The following WDR37 variants were observed in gnomAD, a reference collection of about 807,000 sequenced individuals.
WDR37 encodes WD repeat domain 37.
In WDR37, 19 loss-of-function variants were observed where a neutral mutation model predicts 62.9. The ratio of observed to expected loss-of-function variants is 0.30; its 90% CI spans 0.21 to 0.44. The LOEUF (loss-of-function observed/expected upper bound fraction) is 0.44. WDR37 is among the 20% of genes least tolerant of loss of function. WDR37 has a pLI of 1.00. For synonymous variants in WDR37, 250 were observed against 260.9 expected, an observed-to-expected ratio of 0.96 and a Z score of 0.40; for missense variants, 474 against 657.6, an observed-to-expected ratio of 0.72 and a Z score of 3.05.
chr10:1,088,474 G>C (rs773393106), intron 7 of WDR37, among the ~76,000 whole-genome samples: 1 of 152,050 alleles, frequency 6.6e-6, no homozygotes, highest in African/African-American at 2.4e-5. Flanking sequence ...GTTTTGTCTC[G>C]GAGTAGAGAG....
At chr10:1,123,529 C>T (rs1023959717) in intron 11 of WDR37, among the ~76,000 whole-genome samples, 8 of 152,142 alleles carry the variant, frequency 5.3e-5, no homozygotes, top group South Asian at 2.1e-4. Context: ...TGTCATAGCA[C>T]GTGTTAGAGT....
chr10:1,069,084 G>A (rs1178261360), intron 1 of WDR37, among the ~76,000 whole-genome samples: 2 of 152,082 alleles, frequency 1.3e-5, no homozygotes, highest in African/African-American at 2.4e-5. Flanking sequence ...TAGGTGTGGG[G>A]CTTCGTTTTG....
At chr10:1,077,004 A>C (rs1312968233) in intron 2 of WDR37, among the ~76,000 whole-genome samples, 3 of 151,892 alleles carry the variant, frequency 2.0e-5, no homozygotes, top group Non-Finnish European at 2.9e-5. Flanking sequence ...TGTCTCGAAA[A>C]AAAAAAAAAA....
chr10:1,069,588 C>G (rs886908483), intron 1 of WDR37, among the ~76,000 whole-genome samples: 2 of 151,628 alleles, frequency 1.3e-5, no homozygotes, highest in Admixed American at 1.3e-4. Flanking sequence ...ATAACAGTCT[C>G]AAAATGACAA....
chr10:1,086,158 A>G (rs555932210), intron 6 of WDR37, 128 bp from the exon 7 acceptor site: 2 of 711,480 alleles, frequency 2.8e-6, no homozygotes, highest in East Asian at 5.5e-5. Flanking sequence ...GAGTAATAGA[A>G]TCAAAGGTGG....
intron 7 of WDR37, among the ~76,000 whole-genome samples, chr10:1,089,686 C>G (rs1834320863): frequency 1.3e-5 from 2 of 150,608 alleles, no homozygotes; most frequent in African/African-American, 4.9e-5. Flanking sequence ...CGTGCTCACC[C>G]GCAGTTCGGC....
intron 11 of WDR37, among the ~76,000 whole-genome samples, chr10:1,116,225 T>TC (rs1410600150): frequency 2.6e-5 from 4 of 151,466 alleles, no homozygotes; most frequent in African/African-American, 9.7e-5. Context: ...CCATCAGTCC[T>TC]CCCGTCATCC....
intron 11 of WDR37, among the ~76,000 whole-genome samples, chr10:1,108,378 C>T (rs773770055): frequency 1.3e-4 from 20 of 152,056 alleles, no homozygotes; most frequent in South Asian, 4.1e-4. Context: ...TTTTGCAGAA[C>T]GCCCCTCATT....
intron 1 of WDR37, among the ~76,000 whole-genome samples, chr10:1,066,208 C>T (rs1330109697): frequency 1.3e-5 from 2 of 152,110 alleles, no homozygotes; most frequent in Admixed American, 6.5e-5. Flanking sequence ...CTCCGCCTCC[C>T]GGGTTGATGC....
Position 1,111,924 on chromosome 10 carries a change from C to T in WDR37, c.1103+6657C>T, listed in dbSNP as rs1436292269. Among the ~76,000 whole-genome samples the T allele has an allele frequency of 3.3e-5, 5 of 150,104 alleles. 1 individual carries two copies. The highest frequency in any genetic ancestry group is 2.0e-4 in the Admixed American group (3 of 15,058). The stretch of plus-strand genomic sequence containing the variant: ...CTCTCTCTTTTTTTTTTTTGTGAGA[C>T]GGAGTCTCGCTCTGTTGCCCAGGCT... On this transcript the variant is annotated intron_variant, in intron 11 of 13. Coordinates refer to ENST00000263150, the MANE Select transcript of WDR37 (RefSeq NM_014023.4).
At chr10:1,077,462 G>A (rs983870933) in intron 2 of WDR37, among the ~76,000 whole-genome samples, 4 of 152,110 alleles carry the variant, frequency 2.6e-5, no homozygotes, top group East Asian at 3.9e-4. Flanking sequence ...TGCTTAAAGT[G>A]CAGTGGGTGT....
intron 8 of WDR37, 128 bp downstream of exon 8, chr10:1,093,624 T>C (rs890627649): frequency 6.0e-5 from 47 of 785,068 alleles, no homozygotes; most frequent in African/African-American, 1.8e-5. Flanking sequence ...AGACATTTTA[T>C]GAATTAAATG....
chr10:1,066,536 G>A (rs532423993), intron 1 of WDR37, among the ~76,000 whole-genome samples: 11 of 152,248 alleles, frequency 7.2e-5, no homozygotes, highest in Middle Eastern at 3.4e-3. Context: ...CCAGATTGAT[G>A]TACAGATTTA....
intron 1 of WDR37, among the ~76,000 whole-genome samples, chr10:1,070,558 A>C (rs1269839916): frequency 1.3e-5 from 2 of 152,216 alleles, no homozygotes; most frequent in Non-Finnish European, 2.9e-5. Flanking sequence ...TTTATTTATA[A>C]TATTAAAAAT....
chr10:1,085,800 G>A (rs1285646111), intron 6 of WDR37, among the ~76,000 whole-genome samples: 1 of 152,098 alleles, frequency 6.6e-6, no homozygotes, highest in East Asian at 1.9e-4. Flanking sequence ...TTGGCTAATT[G>A]GTGCTTATTT....
At position 1,130,595 on chromosome 10, in the gene WDR37, T is replaced by TC. The variant is rs779124127; in HGVS notation, c.*1252dup. ...TGAGTTACAGTTTTGATAAAGAGGC[T>TC]CTCATTTCCTGTGTCTTGTATATTC... On this transcript the variant is annotated 3_prime_UTR_variant, in exon 14 of 14. Transcript: ENST00000263150. 1 of 152,236 alleles carries TC rather than the reference T, an allele frequency of 6.6e-6. No homozygotes were observed. The highest frequency in any genetic ancestry group is 1.5e-5 in the Non-Finnish European group (1 of 68,046). 9.4% of individuals were successfully genotyped at this position (152,236 alleles called of 1,614,324 possible).
Position 1,104,283 on chromosome 10 carries a change from A to T in WDR37, c.961+447A>T, listed in dbSNP as rs553488363. ...CGGTCCTCTTCCAAGCCTGCTGGTCATTGGAGGAGCTCCTTCTTGCGTCTG... is the reference window on the plus strand; with the variant it reads ...CGGTCCTCTTCCAAGCCTGCTGGTCTTTGGAGGAGCTCCTTCTTGCGTCTG... On this transcript the variant is annotated intron_variant, in intron 10 of 13. Transcript: ENST00000263150. Among the ~76,000 whole-genome samples, 4 of 152,302 alleles carry T rather than the reference A, an allele frequency of 2.6e-5. No individual in the cohort carries two copies. The East Asian group carries it at 5.8e-4, about 22-fold the overall frequency.
intron 13 of WDR37, among the ~76,000 whole-genome samples, chr10:1,127,289 T>C (rs1835819637): frequency 6.6e-6 from 1 of 152,254 alleles, no homozygotes; most frequent in Admixed American, 6.5e-5. Flanking sequence ...CATTCAACTT[T>C]GTTGATGTTG....
At position 1,109,405 on chromosome 10, in the gene WDR37, G is replaced by C. The variant is rs955648419; in HGVS notation, c.1103+4138G>C. Among the ~76,000 whole-genome samples the C allele has an allele frequency of 1.4e-3, 214 of 152,240 alleles. 2 individuals carry two copies. The highest frequency in any genetic ancestry group is 5.3e-4 in the Non-Finnish European group (36 of 68,050). On this transcript the variant is annotated intron_variant, in intron 11 of 13. Coordinates refer to ENST00000263150, the MANE Select transcript of WDR37 (RefSeq NM_014023.4). The stretch of plus-strand genomic sequence containing the variant: ...GTGGTCTTGGCCATTTGACTGTGAA[G>C]TGAAGTCAGTGCTGGTGGCATCTTT...
Sources: allele counts gnomAD v4.1 joint callset (sites outside exome capture counted in the v4.1 genomes callset), GRCh38; gene constraint gnomAD v4.1.1; transcripts MANE v1.5; gene names NCBI Gene and HGNC (gene_info 2026-07-23, HGNC 2026-07-21).